Variants in SUCLG1 observed in about 807,000 individuals in gnomAD.
SUCLG1 encodes succinate-CoA ligase GDP/ADP-forming subunit alpha, also known as succinate--CoA ligase [ADP/GDP-forming] subunit alpha, mitochondrial.
A neutral mutation model predicts 37.3 loss-of-function variants in SUCLG1; 26 were observed. That is an observed-to-expected ratio of 0.70 (90% confidence interval 0.51 to 0.97). SUCLG1 has a LOEUF of 0.97. Among genes scored for constraint, SUCLG1 ranks in the 50% least tolerant of loss-of-function variants. The pLI, the probability that SUCLG1 is intolerant of heterozygous loss-of-function variation, is 0.00. For synonymous variants in SUCLG1, 163 were observed against 155.6 expected, an observed-to-expected ratio of 1.05 and a Z score of -0.36; for missense variants, 433 against 432.9, an observed-to-expected ratio of 1.00 and a Z score of 0.00.
intron 1 of SUCLG1, 64 bp from the exon 2 acceptor site, chr2:84,449,816 A>G (rs559318459): frequency 9.1e-6 from 12 of 1,323,644 alleles, no homozygotes; most frequent in Non-Finnish European, 1.3e-5. Flanking sequence ...TAAACTTTTG[A>G]ACAATAATTC....
intron 5 of SUCLG1, among the ~76,000 whole-genome samples, chr2:84,437,645 T>C (rs1425201538): frequency 6.6e-6 from 1 of 152,220 alleles, no homozygotes; most frequent in Non-Finnish European, 1.5e-5. Context: ...TTAAACTGGA[T>C]AGCAATTCAG....
chr2:84,459,221 C>T lies in SUCLG1; in HGVS notation c.49G>A (p.Gly17Ser). 2 of 1,550,360 alleles carry T rather than the reference C, an allele frequency of 1.3e-6. No individual in the cohort carries two copies. The highest frequency in any genetic ancestry group is 1.7e-6 in the Non-Finnish European group (2 of 1,146,766). The change falls in exon 1 of 9, where the codon GGC becomes AGC. Residue 17 changes from glycine to serine, a missense_variant. Gly to Ser is a moderately conservative substitution (Grantham distance 56). Coordinates refer to ENST00000393868, the MANE Select transcript of SUCLG1 (RefSeq NM_003849.4). ...CGGGCGGCGGCGAGGCCGCTGCTGCCGGAGACCATGGTAGCGATGTCAGCG... is the reference window on the plus strand; with the variant it reads ...CGGGCGGCGGCGAGGCCGCTGCTGCTGGAGACCATGGTAGCGATGTCAGCG... ...AAADIATMVS[G>S]SSGLAAARLL...
intron 2 of SUCLG1, chr2:84,448,987 T>C: frequency 2.6e-6 from 1 of 380,940 alleles, no homozygotes; most frequent in East Asian, 9.4e-5. Flanking sequence ...AGAAGATTCT[T>C]ATGTGGCATT....
rs1481513776 is a variant in SUCLG1 at position 84,452,233 on chromosome 2, C to T, written c.98-2481G>A. 3.3e-5 allele frequency among the ~76,000 whole-genome samples: 5 copies of T among 150,734 alleles called. No individual in the cohort carries two copies. In the South Asian group the frequency reaches 6.2e-4, roughly 19 times the overall value. ...TTTGGGGTGGATAAACTCCCCACAC[C>T]TATTCAAGGTAGAGAAGTCTATGAA... On this transcript the variant is annotated intron_variant, in intron 1 of 8. Coordinates refer to ENST00000393868, the MANE Select transcript of SUCLG1 (RefSeq NM_003849.4).
chr2:84,456,686 CAG>C (rs1226516128), intron 1 of SUCLG1, among the ~76,000 whole-genome samples: 3 of 152,062 alleles, frequency 2.0e-5, no homozygotes, highest in Non-Finnish European at 4.4e-5. Context: ...TTTTCTGAGA[CAG>C]AGTCTCACTC....
At position 84,431,920 on chromosome 2, in the gene SUCLG1, C is replaced by G. The variant is rs148302991; in HGVS notation, c.674-261G>C. Among the ~76,000 whole-genome samples the G allele has an allele frequency of 2.2e-3, 329 of 152,250 alleles. 4 individuals are homozygous for G. The highest frequency in any genetic ancestry group is 7.7e-3 in the African/African-American group (319 of 41,542). On this transcript the variant is annotated intron_variant, in intron 6 of 8. Coordinates refer to ENST00000393868, the MANE Select transcript of SUCLG1 (RefSeq NM_003849.4). ...CTAGGGCTGTAACGAAGACAACCCT[C>G]TTTTTGTTTTAGCTCCTTTATCAAG...
intron 2 of SUCLG1, among the ~76,000 whole-genome samples, chr2:84,444,910 T>C (rs1672826574): frequency 6.6e-6 from 1 of 152,178 alleles, no homozygotes; most frequent in African/African-American, 2.4e-5. Flanking sequence ...AGTTTAAGGT[T>C]ATCTCTCTTG....
chr2:84,453,789 C>T (rs539788882), intron 1 of SUCLG1, among the ~76,000 whole-genome samples: 6 of 152,296 alleles, frequency 3.9e-5, no homozygotes, highest in African/African-American at 1.2e-4. Flanking sequence ...TTTCTGATGG[C>T]GAATGCTGTA....
intron 2 of SUCLG1, among the ~76,000 whole-genome samples, chr2:84,448,054 C>A (rs999733844): frequency 6.6e-5 from 10 of 150,690 alleles, no homozygotes; most frequent in African/African-American, 2.5e-4. Flanking sequence ...AACAAAGTTT[C>A]ATGGTTTTAT....
At position 84,449,763 on chromosome 2, in the gene SUCLG1, A is replaced by C; in HGVS notation, c.98-11T>G. On this transcript the variant is annotated splice_polypyrimidine_tract_variant and intron_variant, in intron 1 of 8. Coordinates refer to ENST00000393868, the MANE Select transcript of SUCLG1 (RefSeq NM_003849.4). ...TTCCATTCTGCGGCACTAAGAGGTT[A>C]AAAAAAAAAAAAAAAAAAAAAAAAG... The C allele has an allele frequency of 2.6e-4, 1 of 3,782 alleles. No homozygotes were observed. The highest frequency in any genetic ancestry group is 4.6e-4 in the Non-Finnish European group (1 of 2,180). The allele number at this position is 3,782 out of a possible 1,614,324, so 0.2% of individuals were successfully genotyped here.
chr2:84,426,931 T>C (rs1456402294), intron 7 of SUCLG1: 9 of 152,956 alleles, frequency 5.9e-5, no homozygotes, highest in Non-Finnish European at 1.2e-4. Flanking sequence ...CAAAGAGCTT[T>C]TGTTGATATG....
rs1234571252 is a variant in SUCLG1 at position 84,443,276 on chromosome 2, CTAAT to C, written c.318+4_318+7del. ...CTTGTCTTGCCAAACTCAGGTACCA[CTAAT>C]TACCTCCTTCACAGTATTAAAGACA... On this transcript the variant is annotated splice_donor_5th_base_variant and intron_variant, in intron 3 of 8. Transcript: ENST00000393868. The C allele has an allele frequency of 6.2e-7, 1 of 1,609,392 alleles. No individual in the cohort carries two copies. Among genetic ancestry groups the C allele is most frequent in the Non-Finnish European group, 8.5e-7 (1 of 1,175,786 alleles).
chr2:84,459,259 G>A lies in SUCLG1; in HGVS notation c.11C>T (p.Thr4Ile), dbSNP rs766814700. Residue 4 changes from threonine (T) to isoleucine (I), a missense_variant, in exon 1 of 9, where the codon ACC (threonine) becomes ATC (isoleucine). Thr to Ile is a moderately conservative substitution (Grantham distance 89). Transcript: ENST00000393868. MTA[T>I]LAAAADIATM... ...AGCGATGTCAGCGGCAGCGGCAAGG[G>A]TTGCGGTCATACGCCAATGACACTC... 47 of 1,550,516 alleles carry A rather than the reference G, an allele frequency of 3.0e-5. No homozygotes were observed. Among genetic ancestry groups the A allele is most frequent in the Non-Finnish European group, 3.7e-5 (43 of 1,146,788 alleles).
At chr2:84,455,777 A>T (rs534398688) in intron 1 of SUCLG1, among the ~76,000 whole-genome samples, 10 of 149,916 alleles carry the variant, frequency 6.7e-5, no homozygotes, top group Admixed American at 2.0e-4. Flanking sequence ...CGGAGCTTGC[A>T]GTGAGCAGAG....
At chr2:84,446,855 C>T (rs1463798233) in intron 2 of SUCLG1, among the ~76,000 whole-genome samples, 1 of 152,160 alleles carries the variant, frequency 6.6e-6, no homozygotes, top group African/African-American at 2.4e-5. Flanking sequence ...AAATTAAAAA[C>T]AAGCACCTAC....
chr2:84,438,233 A>G (rs771547430), intron 5 of SUCLG1, among the ~76,000 whole-genome samples: 2 of 152,236 alleles, frequency 1.3e-5, no homozygotes, highest in Non-Finnish European at 2.9e-5. Flanking sequence ...ATCTGTCTGT[A>G]TTATTTCTTA....
Position 84,449,635 on chromosome 2 carries a change from C to T in SUCLG1, c.201+14G>A, listed in dbSNP as rs183747559. The T allele has an allele frequency of 1.3e-6, 2 of 1,510,982 alleles. No individual in the cohort carries two copies. The highest frequency in any genetic ancestry group is 4.5e-5 in the East Asian group (2 of 44,250). 93.6% of individuals were successfully genotyped at this position (1,510,982 alleles called of 1,614,324 possible). A position where few individuals can be genotyped will look rare whatever the true frequency, so the allele number is the denominator to read the frequency against. ...CTAGTCTACATTTGAAAATAAAAAT[C>T]TAGATATACATACCTGTTTGCCAGT... On this transcript the variant is annotated intron_variant, in intron 2 of 8. Transcript: ENST00000393868.
intron 5 of SUCLG1, among the ~76,000 whole-genome samples, chr2:84,435,094 A>G (rs1672665716): frequency 6.6e-6 from 1 of 152,096 alleles, no homozygotes; most frequent in African/African-American, 2.4e-5. Context: ...TTCCCTCTCC[A>G]GACTTGTTTC....
chr2:84,435,616 T>A (rs1041769806), intron 5 of SUCLG1, among the ~76,000 whole-genome samples: 1 of 152,212 alleles, frequency 6.6e-6, no homozygotes, highest in African/African-American at 2.4e-5. Flanking sequence ...AAAAACCACA[T>A]CCCTGTGTGG....
Sources: gnomAD v4.1 joint callset for allele counts (sites outside exome capture counted in the v4.1 genomes callset) on GRCh38, gnomAD v4.1.1 for gene constraint, MANE v1.5 for transcripts, NCBI Gene and HGNC (gene_info 2026-07-23, HGNC 2026-07-21) for gene names.